The following ERGIC1 variants were observed in gnomAD, a reference collection of about 807,000 sequenced individuals.
The protein encoded by ERGIC1 is endoplasmic reticulum-golgi intermediate compartment 1.
ERGIC1 carries 19 observed loss-of-function variants against 38.3 expected under a neutral mutation model. The observed-to-expected ratio is 0.50, with a 90% CI of 0.35 to 0.73. The LOEUF is 0.73. Among genes scored for constraint, ERGIC1 ranks in the 30% least tolerant of loss-of-function variants. ERGIC1 has a pLI of 0.01. For synonymous variants in ERGIC1, 124 were observed against 157.6 expected (o/e 0.79, Z 1.60); for missense variants, 294 against 389.2 (o/e 0.76, Z 2.06).
chr5:172,900,356 C>G (rs1762838903), intron 3 of ERGIC1, among the ~76,000 whole-genome samples: 1 of 152,144 alleles, frequency 6.6e-6, no homozygotes, highest in African/African-American at 2.4e-5. Flanking sequence ...CTCCCAGCGG[C>G]ATCCCGGACG....
At chr5:172,902,023 A>G (rs923765559) in intron 3 of ERGIC1, among the ~76,000 whole-genome samples, 1 of 152,184 alleles carries the variant, frequency 6.6e-6, no homozygotes, top group African/African-American at 2.4e-5. Context: ...CACATGAAGC[A>G]CTAAGTGGTG....
At chr5:172,878,928 G>A (rs1762215510) in intron 1 of ERGIC1, among the ~76,000 whole-genome samples, 1 of 152,148 alleles carries the variant, frequency 6.6e-6, no homozygotes, top group Admixed American at 6.5e-5. Flanking sequence ...CGGCACCGAG[G>A]GCTCCGACAG....
intron 9 of ERGIC1, among the ~76,000 whole-genome samples, chr5:172,947,045 ATGG>A (rs1764137455): frequency 6.6e-6 from 1 of 151,970 alleles, no homozygotes; most frequent in Non-Finnish European, 1.5e-5. Context: ...TTAGCTGGGC[ATGG>A]TGGTGGGCAC....
intron 3 of ERGIC1, chr5:172,905,442 C>T (rs1034146650): frequency 2.1e-6 from 1 of 468,980 alleles, no homozygotes; most frequent in Non-Finnish European, 4.4e-6. Context: ...CTTGGCCTCA[C>T]GGATTCCAAG....
chr5:172,898,672 C>A (rs990426868), intron 3 of ERGIC1: 1 of 152,190 alleles, frequency 6.6e-6, no homozygotes, highest in Admixed American at 6.5e-5. Flanking sequence ...AGTTGCCGAA[C>A]CCCTCTGGGT....
chr5:172,900,825 T>G (rs79030899), intron 3 of ERGIC1, among the ~76,000 whole-genome samples: 1 of 151,950 alleles, frequency 6.6e-6, no homozygotes, highest in Non-Finnish European at 1.5e-5. Context: ...AATAGAGAGA[T>G]CTGTCCGGAG....
chr5:172,862,350 G>A (rs985405533), intron 1 of ERGIC1, among the ~76,000 whole-genome samples: 2 of 147,894 alleles, frequency 1.4e-5, no homozygotes, highest in African/African-American at 5.0e-5. Flanking sequence ...CAAGATAAGG[G>A]GGGAGATAAG....
intron 1 of ERGIC1, among the ~76,000 whole-genome samples, chr5:172,873,275 TG>T (rs534220660): frequency 2.0e-5 from 3 of 152,310 alleles, no homozygotes; most frequent in South Asian, 4.1e-4. Flanking sequence ...TGGAAACACT[TG>T]GGGGGCCCTT....
chr5:172,836,463 T>C (rs891668860), intron 1 of ERGIC1, among the ~76,000 whole-genome samples: 1 of 152,166 alleles, frequency 6.6e-6, no homozygotes, highest in Non-Finnish European at 1.5e-5. Context: ...TTGGGCTCAC[T>C]GCGGAATGGT....
intron 1 of ERGIC1, among the ~76,000 whole-genome samples, chr5:172,839,133 C>T (rs1036767225): frequency 2.0e-5 from 3 of 149,556 alleles, no homozygotes; most frequent in African/African-American, 4.9e-5. Context: ...CCCAGCTCCT[C>T]GGGAGGCTGA....
chr5:172,924,076 C>T lies in ERGIC1; in HGVS notation c.447C>T (p.Val149=). ...CACAGAACCCAGACATGACGCATGT[C>T]ATCCACAAGCTCTCCTTTGGGGACA... is the stretch of plus-strand genomic sequence containing the variant. The part of the protein sequence containing the change: ...AQPQNPDMTH[V]IHKLSFGDTL... Residue 149 remains valine (V), a synonymous_variant, in exon 6 of 10, where the codon GTC becomes GTT. Coordinates refer to ENST00000393784, the MANE Select transcript of ERGIC1 (RefSeq NM_001031711.3). 1.2e-6 allele frequency: 2 copies of T among 1,614,212 alleles called. No homozygotes were observed. The highest frequency in any genetic ancestry group is 1.7e-6 in the Non-Finnish European group (2 of 1,180,046).
At chr5:172,942,261 C>T (rs1384772634) in intron 9 of ERGIC1, among the ~76,000 whole-genome samples, 2 of 152,112 alleles carry the variant, frequency 1.3e-5, no homozygotes, top group Non-Finnish European at 2.9e-5. Flanking sequence ...TGAGAAGGTT[C>T]TACCCACTAA....
intron 3 of ERGIC1, chr5:172,905,449 C>G (rs958490837): frequency 4.3e-6 from 2 of 468,444 alleles, no homozygotes; most frequent in African/African-American, 2.0e-5. Context: ...TCACGGATTC[C>G]AAGGAATGGA....
At chr5:172,907,250 G>A (rs1763055063) in intron 3 of ERGIC1, among the ~76,000 whole-genome samples, 2 of 152,334 alleles carry the variant, frequency 1.3e-5, no homozygotes, top group South Asian at 2.1e-4. Context: ...CCCCGTGGCT[G>A]TGCTCATATC....
At chr5:172,910,650 G>A (rs1347957397) in intron 4 of ERGIC1, among the ~76,000 whole-genome samples, 4 of 150,770 alleles carry the variant, frequency 2.7e-5, no homozygotes, top group Non-Finnish European at 4.4e-5. Context: ...TCAGCCTCCC[G>A]AGTAGCTGGG....
chr5:172,932,380 G>C, intron 7 of ERGIC1, 56 bp from the exon 8 acceptor site: 3 of 1,562,732 alleles, frequency 1.9e-6, no homozygotes, highest in Non-Finnish European at 2.6e-6. Context: ...ATGACATAGA[G>C]CTGTCAGCGG....
intron 1 of ERGIC1, among the ~76,000 whole-genome samples, chr5:172,851,547 A>G (rs961025342): frequency 6.6e-6 from 1 of 152,210 alleles, no homozygotes; most frequent in Non-Finnish European, 1.5e-5. Flanking sequence ...ATGCATCTGG[A>G]AAAATGGACC....
At chr5:172,895,669 C>A (rs1762706032) in intron 2 of ERGIC1, among the ~76,000 whole-genome samples, 1 of 151,968 alleles carries the variant, frequency 6.6e-6, no homozygotes, top group African/African-American at 2.4e-5. Flanking sequence ...ACCAGCTCCA[C>A]CTCTGGGAGT....
intron 1 of ERGIC1, among the ~76,000 whole-genome samples, chr5:172,857,772 C>T (rs1371301129): frequency 6.6e-6 from 1 of 152,114 alleles, no homozygotes; most frequent in Non-Finnish European, 1.5e-5. Flanking sequence ...TGTCTTACAG[C>T]TTACGTTATG....
Sources: gnomAD v4.1 joint callset for allele counts (sites outside exome capture counted in the v4.1 genomes callset) on GRCh38, gnomAD v4.1.1 for gene constraint, MANE v1.5 for transcripts, NCBI Gene and HGNC (gene_info 2026-07-23, HGNC 2026-07-21) for gene names.